PCDHA13: variants seen among roughly 807,000 people sequenced by gnomAD.
PCDHA13 encodes the protein protocadherin alpha 13.
Under a neutral mutation model 64.8 loss-of-function variants are expected in PCDHA13, and 54 were observed. The observed-to-expected ratio is 0.83, with a 90% confidence interval of 0.67 to 1.04. The LOEUF (loss-of-function observed/expected upper bound fraction) is 1.04. PCDHA13 is among the 50% of genes least tolerant of loss of function. PCDHA13 has a pLI of 0.00. For missense variants in PCDHA13, 1,248 were observed against 1,254.3 expected, an observed-to-expected ratio of 0.99 and a Z score of 0.08; for synonymous variants, 587 against 564.4, an observed-to-expected ratio of 1.04 and a Z score of -0.57.
chr5:141,009,712 C>T lies in PCDHA13; in HGVS notation c.2628C>T (p.Pro876=). The T allele has an allele frequency of 1.2e-6, 2 of 1,614,156 alleles. No individual in the cohort carries two copies. Among genetic ancestry groups the T allele is most frequent in the African/African-American group, 1.3e-5 (1 of 75,034 alleles). ...CCTTTAAATACGGACCAGGCAACCC[C>T]AAACAATCCGGTCCCGGTGAGTTGC... is the stretch of plus-strand genomic sequence containing the variant. ...SWTFKYGPGN[P]KQSGPGELPD... is the part of the protein sequence containing the mutation. The change falls in exon 4 of 4, where the codon CCC becomes CCT. Residue 876 remains proline (P), a synonymous_variant. Transcript: ENST00000289272.
intron 1 of PCDHA13, among the ~76,000 whole-genome samples, chr5:140,950,687 C>A (rs2153690415): frequency 6.6e-6 from 1 of 152,106 alleles, no homozygotes; most frequent in South Asian, 2.1e-4. Context: ...ATATTGTTAA[C>A]CAAATTTGAC....
chr5:140,947,035 A>T (rs2094072055), intron 1 of PCDHA13, among the ~76,000 whole-genome samples: 1 of 151,748 alleles, frequency 6.6e-6, no homozygotes, highest in Admixed American at 6.6e-5. Flanking sequence ...GGATATACTA[A>T]TTACCCTGAT....
chr5:140,954,673 CTT>C (rs1173553071), intron 1 of PCDHA13, among the ~76,000 whole-genome samples: 2 of 152,076 alleles, frequency 1.3e-5, no homozygotes, highest in South Asian at 4.1e-4. Flanking sequence ...GGATATTAGA[CTT>C]TTGTCAGATG....
chr5:140,960,727 CA>C (rs2095565377), intron 1 of PCDHA13, among the ~76,000 whole-genome samples: 3 of 30,176 alleles, frequency 9.9e-5, no homozygotes, highest in Non-Finnish European at 1.9e-4. Context: ...TATTTTAGTC[CA>C]TGATTTTAGT....
chr5:140,908,494 C>A (rs559456993), intron 1 of PCDHA13, among the ~76,000 whole-genome samples: 1 of 152,310 alleles, frequency 6.6e-6, no homozygotes, highest in East Asian at 1.9e-4. Flanking sequence ...GTTCAGGTTG[C>A]TTGGTGACTT....
intron 1 of PCDHA13, among the ~76,000 whole-genome samples, chr5:140,975,280 T>C (rs914764307): frequency 6.6e-6 from 1 of 152,252 alleles, no homozygotes; most frequent in Non-Finnish European, 1.5e-5. Flanking sequence ...CTCTGACCTC[T>C]AGACCCAGAT....
Position 140,882,735 on chromosome 5 carries a change from G to C in PCDHA13, c.467G>C (p.Gly156Ala). The C allele has an allele frequency of 6.2e-7, 1 of 1,614,216 alleles. No homozygotes were observed. Among genetic ancestry groups the C allele is most frequent in the Non-Finnish European group, 8.5e-7 (1 of 1,180,048 alleles). ...RPPETRFPLD[G>A]ASDADIGVNS... is the part of the protein sequence containing the mutation. ...CCGGAAACTCGATTTCCACTAGATG[G>C]CGCATCCGATGCAGATATTGGAGTA... Residue 156 changes from glycine (G) to alanine (A), a missense_variant, in exon 1 of 4, where the codon GGC (glycine) becomes GCC (alanine). Transcript: ENST00000289272.
In PCDHA13 at chr5:141,011,598, G is replaced by A. The variant is rs530366689; in HGVS notation, c.*1661G>A. ...TTAAATCAAGATACTGGTGATTCAA[G>A]GAATTTTATTTATGGTCCAGCCAAG... On this transcript the variant is annotated 3_prime_UTR_variant, in exon 4 of 4. Transcript: ENST00000289272. 6.5e-6 allele frequency: 1 copy of A among 153,736 alleles called. No homozygotes were observed. Among genetic ancestry groups the A allele is most frequent in the Non-Finnish European group, 1.5e-5 (1 of 68,012 alleles). The allele number at this position is 153,736 out of a possible 1,614,324, so 9.5% of individuals were successfully genotyped here.
At position 141,011,529 on chromosome 5, in the gene PCDHA13, G is replaced by A. The variant is rs2098420955; in HGVS notation, c.*1592G>A. On this transcript the variant is annotated 3_prime_UTR_variant, in exon 4 of 4. Coordinates refer to ENST00000289272, the MANE Select transcript of PCDHA13 (RefSeq NM_018904.3). ...GTGGAGTAGTGTTTTTTTAACCATT[G>A]TTAATCAGCTTTTGTGTATGAAAGA... 1.3e-5 allele frequency: 2 copies of A among 153,538 alleles called. No homozygotes were observed. The highest frequency in any genetic ancestry group is 3.9e-4 in the East Asian group (2 of 5,188). The allele number at this position is 153,538 out of a possible 1,614,324, so 9.5% of individuals were successfully genotyped here.
At chr5:140,927,694 G>A in intron 1 of PCDHA13, 1 of 1,614,202 alleles carries the variant, frequency 6.2e-7, no homozygotes, top group Non-Finnish European at 8.5e-7. Context: ...CAATGGGGAA[G>A]TCCAGTACTC....
chr5:140,959,471 C>T (rs910729465), intron 1 of PCDHA13, among the ~76,000 whole-genome samples: 3 of 151,970 alleles, frequency 2.0e-5, no homozygotes, highest in African/African-American at 7.3e-5. Context: ...TGGCATCAAT[C>T]AAGGCATATT....
intron 1 of PCDHA13, among the ~76,000 whole-genome samples, chr5:140,893,186 T>C (rs2063863300): frequency 6.6e-6 from 1 of 152,230 alleles, no homozygotes; most frequent in Admixed American, 6.5e-5. Context: ...GTAGCTATTG[T>C]GAATAGTGCT....
At chr5:140,920,749 C>T (rs145619239) in intron 1 of PCDHA13, among the ~76,000 whole-genome samples, 2 of 151,424 alleles carry the variant, frequency 1.3e-5, no homozygotes, top group Non-Finnish European at 2.9e-5. Context: ...GAGGCTGAGG[C>T]AGGAGAATTG....
intron 1 of PCDHA13, among the ~76,000 whole-genome samples, chr5:140,947,556 A>C (rs1281977555): frequency 1.3e-5 from 2 of 151,584 alleles, no homozygotes; most frequent in Admixed American, 6.6e-5. Flanking sequence ...TTCCGCTGGG[A>C]TTTATATTGG....
At chr5:140,888,959 A>G (rs1554183707) in intron 1 of PCDHA13, among the ~76,000 whole-genome samples, 1 of 152,024 alleles carries the variant, frequency 6.6e-6, no homozygotes, top group African/African-American at 2.4e-5. Flanking sequence ...TTCTTTGGCA[A>G]TGTTAATGTG....
chr5:140,885,410 G>A (rs1203684049), intron 1 of PCDHA13, among the ~76,000 whole-genome samples: 3 of 152,088 alleles, frequency 2.0e-5, no homozygotes, highest in Non-Finnish European at 4.4e-5. Flanking sequence ...TTTAATAGCT[G>A]TGTAGTATTC....
chr5:140,941,260 T>TCTTTCTTTCTTC (rs2092990214), intron 1 of PCDHA13, among the ~76,000 whole-genome samples: 2 of 138,280 alleles, frequency 1.4e-5, no homozygotes, highest in Admixed American at 1.5e-4. Flanking sequence ...TCTTTCTCTT[T>TCTTTCTTTCTTC]CTTTCTTTCT....
intron 1 of PCDHA13, among the ~76,000 whole-genome samples, chr5:140,922,408 T>C (rs2080827805): frequency 6.6e-6 from 1 of 152,196 alleles, no homozygotes; most frequent in Non-Finnish European, 1.5e-5. Context: ...ATTAAAAAGA[T>C]CTAGGTACAG....
At position 140,960,349 on chromosome 5, in the gene PCDHA13, A is replaced by T. The variant is rs936485666; in HGVS notation, c.2395-18600A>T. Among the ~76,000 whole-genome samples, 8 of 152,238 alleles carry T rather than the reference A, an allele frequency of 5.3e-5. No homozygotes were observed. The East Asian group carries it at 1.3e-3, about 26-fold the overall frequency. ...GAGAAGTACATGAGGTGAGATATGTACTGAAATAATATGCCAACTCTTAAG... is the reference window on the plus strand; with the variant it reads ...GAGAAGTACATGAGGTGAGATATGTTCTGAAATAATATGCCAACTCTTAAG... On this transcript the variant is annotated intron_variant, in intron 1 of 3. Coordinates refer to ENST00000289272, the MANE Select transcript of PCDHA13 (RefSeq NM_018904.3).
Sources: allele counts gnomAD v4.1 joint callset (sites outside exome capture counted in the v4.1 genomes callset), GRCh38; gene constraint gnomAD v4.1.1; transcripts MANE v1.5; gene names NCBI Gene and HGNC (gene_info 2026-07-23, HGNC 2026-07-21).